Variants in CNTN5 observed in about 807,000 individuals in gnomAD.
The protein encoded by CNTN5 is contactin 5.
In CNTN5, 77 loss-of-function variants were observed where a neutral mutation model predicts 129.1. The observed-to-expected ratio is 0.60, with a 90% CI of 0.50 to 0.72. The LOEUF (loss-of-function observed/expected upper bound fraction) is 0.72, where lower values mean the gene tolerates loss of function less well. CNTN5 is among the 30% of genes least tolerant of loss of function. CNTN5 has a pLI of 0.00. For synonymous variants in CNTN5, 509 were observed against 465.6 expected, an observed-to-expected ratio of 1.09 and a Z score of -1.20; for missense variants, 1,478 against 1,328.8, an observed-to-expected ratio of 1.11 and a Z score of -1.75.
intron 8 of CNTN5, among the ~76,000 whole-genome samples, chr11:99,988,985 G>C (rs1458529788): frequency 6.6e-6 from 1 of 151,988 alleles, no homozygotes; most frequent in Non-Finnish European, 1.5e-5. Context: ...TTTGCAGAAA[G>C]GACTGTGGAT....
chr11:100,055,249 A>C (rs542787860), intron 9 of CNTN5, among the ~76,000 whole-genome samples: 24 of 151,696 alleles, frequency 1.6e-4, no homozygotes, highest in Middle Eastern at 6.8e-3. Context: ...CCTCCCCAAA[A>C]TGAAAGAACT....
intron 13 of CNTN5, among the ~76,000 whole-genome samples, chr11:100,183,870 G>A (rs11223129): frequency 0.071 from 10,844 of 152,018 alleles, 522 homozygotes; most frequent in Non-Finnish European, 0.097. Flanking sequence ...TGTTCTACAG[G>A]GTCTCCCCCT....
intron 1 of CNTN5, among the ~76,000 whole-genome samples, chr11:99,074,616 C>T (rs996456693): frequency 2.6e-5 from 4 of 152,122 alleles, no homozygotes; most frequent in Non-Finnish European, 5.9e-5. Context: ...GGATTACAGA[C>T]GTGAGCCACT....
intron 3 of CNTN5, among the ~76,000 whole-genome samples, chr11:99,690,368 C>A: frequency 6.6e-6 from 1 of 152,024 alleles, no homozygotes; most frequent in East Asian, 1.9e-4. Flanking sequence ...AACATGATGC[C>A]TCCAGCTTTG....
chr11:100,289,349 A>C, intron 18 of CNTN5, among the ~76,000 whole-genome samples: 1 of 152,106 alleles, frequency 6.6e-6, no homozygotes, highest in Non-Finnish European at 1.5e-5. Context: ...ACATTGATAC[A>C]AAAATCCTCA....
chr11:99,931,405 G>T (rs12364835), intron 7 of CNTN5, among the ~76,000 whole-genome samples: 10,740 of 152,224 alleles, frequency 0.071, 427 homozygotes, highest in Non-Finnish European at 0.093. Context: ...TAAGGAAAAA[G>T]ACTTAGAACA....
intron 6 of CNTN5, among the ~76,000 whole-genome samples, chr11:99,893,038 T>C (rs537674391): frequency 1.3e-5 from 2 of 152,258 alleles, no homozygotes; most frequent in African/African-American, 4.8e-5. Flanking sequence ...ATAGAATCTT[T>C]TCAGCTGGGA....
chr11:99,982,150 G>A (rs1330463103), intron 8 of CNTN5, among the ~76,000 whole-genome samples: 3 of 152,174 alleles, frequency 2.0e-5, no homozygotes, highest in Non-Finnish European at 4.4e-5. Context: ...AATGACTAAT[G>A]AACTTCAAAC....
chr11:99,515,781 A>G (rs117245595), intron 2 of CNTN5, among the ~76,000 whole-genome samples: 7,698 of 152,000 alleles, frequency 0.051, 197 homozygotes, highest in South Asian at 0.079. Flanking sequence ...TAAGAGATTT[A>G]TAGATGAAAT....
At chr11:99,026,438 A>T (rs1051092736) in intron 1 of CNTN5, among the ~76,000 whole-genome samples, 1 of 151,596 alleles carries the variant, frequency 6.6e-6, no homozygotes, top group Non-Finnish European at 1.5e-5. Flanking sequence ...TATGGCATTG[A>T]TAAGAGAATT....
intron 6 of CNTN5, among the ~76,000 whole-genome samples, chr11:99,886,901 T>TA (rs1014130332): frequency 1.3e-5 from 2 of 152,026 alleles, no homozygotes; most frequent in African/African-American, 2.4e-5. Context: ...TTCTTTTTTT[T>TA]AAAAAAGGAT....
chr11:99,547,443 T>G (rs986556307), intron 2 of CNTN5, among the ~76,000 whole-genome samples: 1 of 152,190 alleles, frequency 6.6e-6, no homozygotes. Context: ...TTATAGGAAA[T>G]GTAGAAAGTT....
intron 1 of CNTN5, among the ~76,000 whole-genome samples, chr11:99,292,555 A>G (rs544496813): frequency 6.6e-6 from 1 of 152,262 alleles, no homozygotes. Flanking sequence ...TCCAAATCTT[A>G]GAGGAAAGGG....
At chr11:99,072,370 A>G (rs1026255839) in intron 1 of CNTN5, among the ~76,000 whole-genome samples, 2 of 152,114 alleles carry the variant, frequency 1.3e-5, no homozygotes, top group Admixed American at 6.6e-5. Flanking sequence ...AAAAAAAATG[A>G]TGTCATTGGG....
intron 15 of CNTN5, among the ~76,000 whole-genome samples, chr11:100,203,058 T>C (rs1250474107): frequency 6.6e-6 from 1 of 152,088 alleles, no homozygotes; most frequent in Non-Finnish European, 1.5e-5. Context: ...CTACATCTGT[T>C]ACTACTATAC....
intron 7 of CNTN5, among the ~76,000 whole-genome samples, chr11:99,918,816 C>T (rs372497360): frequency 2.0e-5 from 3 of 152,158 alleles, no homozygotes; most frequent in East Asian, 3.9e-4. Flanking sequence ...TTGTTCCTCC[C>T]TATTTTAATT....
chr11:99,628,097 G>T (rs1446145929), intron 3 of CNTN5, among the ~76,000 whole-genome samples: 1 of 151,836 alleles, frequency 6.6e-6, no homozygotes, highest in Non-Finnish European at 1.5e-5. Context: ...GTCTCTTGCA[G>T]CCTTAAAAGG....
chr11:99,803,821 T>G (rs1028309583), intron 3 of CNTN5, among the ~76,000 whole-genome samples: 1 of 152,214 alleles, frequency 6.6e-6, no homozygotes, highest in Admixed American at 6.5e-5. Flanking sequence ...AGTGCTCTCT[T>G]CCCTGAGATC....
intron 2 of CNTN5, among the ~76,000 whole-genome samples, chr11:99,540,072 C>G (rs933309307): frequency 1.3e-5 from 2 of 152,162 alleles, no homozygotes; most frequent in African/African-American, 4.8e-5. Context: ...CACAAGGACT[C>G]TCTTTGTTGT....
Sources: gnomAD v4.1 joint callset for allele counts (sites outside exome capture counted in the v4.1 genomes callset) on GRCh38, gnomAD v4.1.1 for gene constraint, MANE v1.5 for transcripts, NCBI Gene and HGNC (gene_info 2026-07-23, HGNC 2026-07-21) for gene names.